Variants in PPFIBP2 observed in about 807,000 individuals in gnomAD.
PPFIBP2 encodes PPFIB scaffold protein 2, also known as liprin-beta-2.
In PPFIBP2, 118 loss-of-function variants were observed where a neutral mutation model predicts 118.3. That is an observed-to-expected ratio of 1.00 (90% CI 0.86 to 1.16). The LOEUF is 1.16. Ranked by LOEUF, PPFIBP2 falls within the 50% of genes most tolerant of loss-of-function variation. PPFIBP2 has a pLI of 0.00. For missense variants in PPFIBP2, 1,195 were observed against 1,073.1 expected (o/e 1.11, Z -1.59); for synonymous variants, 414 against 397.4 (o/e 1.04, Z -0.50).
intron 14 of PPFIBP2, among the ~76,000 whole-genome samples, chr11:7,636,256 C>T (rs4587719): frequency 0.064 from 9,685 of 150,762 alleles, 868 homozygotes; most frequent in African/African-American, 0.2. Context: ...TGCTTGCTGA[C>T]TTCTGCCTGA....
chr11:7,630,313 C>CT (rs1029594256), intron 10 of PPFIBP2, among the ~76,000 whole-genome samples: 2 of 152,062 alleles, frequency 1.3e-5, no homozygotes, highest in African/African-American at 2.4e-5. Flanking sequence ...ACACAGCCCT[C>CT]TTTTTTTTCT....
chr11:7,586,700 A>G (rs1858267997), intron 3 of PPFIBP2, among the ~76,000 whole-genome samples: 2 of 152,134 alleles, frequency 1.3e-5, no homozygotes, highest in Non-Finnish European at 1.5e-5. Flanking sequence ...TTCTGCAGAG[A>G]AGGTGGTCCC....
chr11:7,666,510 A>G, the PPFIBP2 span: 5 of 1,613,474 alleles, frequency 3.1e-6, no homozygotes, highest in Non-Finnish European at 2.5e-6. Flanking sequence ...AGTCCTGGCA[A>G]TTTCTTCAAG....
chr11:7,577,315 A>ATGTGTGTGTG (rs1554958671), intron 3 of PPFIBP2: 2 of 216,894 alleles, frequency 9.2e-6, no homozygotes, highest in Non-Finnish European at 1.9e-5. Flanking sequence ...GCGTGCATGT[A>ATGTGTGTGTG]TGTGCGTGTG....
chr11:7,642,508 A>T (rs1852347601), intron 17 of PPFIBP2, 82 bp downstream of exon 17: 1 of 1,462,436 alleles, frequency 6.8e-7, no homozygotes, highest in East Asian at 2.5e-5. Flanking sequence ...GTGAATCTTT[A>T]CTCCTGTGTT....
At chr11:7,562,175 C>T (rs1429823029) in intron 2 of PPFIBP2, among the ~76,000 whole-genome samples, 2 of 152,226 alleles carry the variant, frequency 1.3e-5, no homozygotes, top group African/African-American at 4.8e-5. Context: ...TGCTCACCTC[C>T]TGCTGTGCAG....
rs368524593 is a variant in PPFIBP2 at position 7,642,446 on chromosome 11, C to T, written c.1646+20C>T. 4.4e-6 allele frequency: 7 copies of T among 1,602,272 alleles called. No individual in the cohort carries two copies. In the East Asian group the frequency reaches 1.6e-4, roughly 36 times the overall value. ...GAAAAGGTAAGGCTTGACCCACTTTCCTTTGATCTCCCTGCTCTGAAAAAG... is the reference window on the plus strand; with the variant it reads ...GAAAAGGTAAGGCTTGACCCACTTTTCTTTGATCTCCCTGCTCTGAAAAAG... On this transcript the variant is annotated intron_variant, in intron 17 of 23. Transcript: ENST00000299492.
chr11:7,528,297 A>G (rs748512739), intron 1 of PPFIBP2, among the ~76,000 whole-genome samples: 2 of 152,128 alleles, frequency 1.3e-5, no homozygotes, highest in Non-Finnish European at 2.9e-5. Context: ...ATGCATACAC[A>G]TATATATTTA....
At chr11:7,584,028 C>G (rs1857671280) in intron 3 of PPFIBP2, among the ~76,000 whole-genome samples, 2 of 152,342 alleles carry the variant, frequency 1.3e-5, no homozygotes, top group African/African-American at 4.8e-5. Flanking sequence ...CCTCTATGCC[C>G]CTGCCATTCA....
At chr11:7,580,322 T>C (rs1590347582) in intron 3 of PPFIBP2, among the ~76,000 whole-genome samples, 1 of 152,174 alleles carries the variant, frequency 6.6e-6, no homozygotes, top group African/African-American at 2.4e-5. Context: ...CCACCCTTTC[T>C]CCTGTGCTTC....
chr11:7,632,221 C>T (rs1295638835), intron 11 of PPFIBP2: 1 of 152,422 alleles, frequency 6.6e-6, no homozygotes, highest in Admixed American at 6.5e-5. Flanking sequence ...CAGCTTTTCT[C>T]CTCTCTAAAG....
chr11:7,567,816 C>A (rs551688077), intron 3 of PPFIBP2, among the ~76,000 whole-genome samples: 46 of 152,316 alleles, frequency 3.0e-4, no homozygotes, highest in African/African-American at 1.1e-3. Flanking sequence ...GCTTTCTTAT[C>A]CCCTCGTAGC....
chr11:7,655,366 G>A (rs1466537441), downstream of PPFIBP2: 22 of 1,197,920 alleles, frequency 1.8e-5, no homozygotes, highest in Non-Finnish European at 2.2e-5. Context: ...GACAGGACTT[G>A]CATGCCATCT....
At chr11:7,591,214 G>T (rs997230490) in intron 3 of PPFIBP2, among the ~76,000 whole-genome samples, 9 of 152,064 alleles carry the variant, frequency 5.9e-5, no homozygotes, top group Non-Finnish European at 1.0e-4. Flanking sequence ...ATAAGGCATA[G>T]TTGGTACAGT....
intron 1 of PPFIBP2, among the ~76,000 whole-genome samples, chr11:7,526,673 C>A (rs1850258326): frequency 6.6e-6 from 1 of 152,104 alleles, no homozygotes; most frequent in Admixed American, 6.5e-5. Context: ...GAGATTGAGA[C>A]CATCCTGGCT....
intron 2 of PPFIBP2, among the ~76,000 whole-genome samples, chr11:7,563,617 G>T (rs1215984889): frequency 2.0e-5 from 3 of 152,198 alleles, no homozygotes; most frequent in African/African-American, 7.2e-5. Context: ...GCATACCATG[G>T]ATGCGGTGGC....
chr11:7,557,389 TA>T (rs1274795397), intron 2 of PPFIBP2, among the ~76,000 whole-genome samples: 1 of 152,082 alleles, frequency 6.6e-6, no homozygotes, highest in Non-Finnish European at 1.5e-5. Flanking sequence ...TATTTACTCA[TA>T]TTAGTGTATT....
rs370001936 is a variant in PPFIBP2 at position 7,653,592 on chromosome 11, T to C, written c.*374T>C. 20 of 1,301,500 alleles carry C rather than the reference T, an allele frequency of 1.5e-5. No individual in the cohort carries two copies. The highest frequency in any genetic ancestry group is 5.3e-5 in the East Asian group (1 of 18,740). 80.6% of individuals were successfully genotyped at this position (1,301,500 alleles called of 1,614,324 possible). On this transcript the variant is annotated 3_prime_UTR_variant, in exon 24 of 24. Coordinates refer to ENST00000299492, the MANE Select transcript of PPFIBP2 (RefSeq NM_003621.5). ...CTCTCAGGCACCCCCTACACTTCAG[T>C]TGAGGGAAAAGCTCAAGTGCCTTAG...
Position 7,594,929 on chromosome 11 carries a change from A to G in PPFIBP2, c.372+1705A>G, listed in dbSNP as rs1590441741. 2.6e-5 allele frequency among the ~76,000 whole-genome samples: 4 copies of G among 151,806 alleles called. No individual in the cohort carries two copies. The South Asian group carries it at 6.2e-4, about 24-fold the overall frequency. On this transcript the variant is annotated intron_variant, in intron 4 of 23. Coordinates refer to ENST00000299492, the MANE Select transcript of PPFIBP2 (RefSeq NM_003621.5). ...GAGACTCCATCTCAAAAAAAAAAAA[A>G]AAAAAAAAGAAAAAGGAGAGTGTGA... is the stretch of plus-strand genomic sequence containing the variant.
Sources: allele counts gnomAD v4.1 joint callset (sites outside exome capture counted in the v4.1 genomes callset), GRCh38; gene constraint gnomAD v4.1.1; transcripts MANE v1.5; gene names NCBI Gene and HGNC (gene_info 2026-07-23, HGNC 2026-07-21).